MCF2L2: variants seen among roughly 807,000 people sequenced by gnomAD.
MCF2L2 encodes MCF.2 cell line derived transforming sequence-like 2.
Under a neutral mutation model 150.2 loss-of-function variants are expected in MCF2L2, and 102 were observed. The ratio of observed to expected loss-of-function variants is 0.68; its 90% CI spans 0.58 to 0.80. MCF2L2 has a LOEUF of 0.80. Among genes scored for constraint, MCF2L2 ranks in the 30% least tolerant of loss-of-function variants. The probability of loss-of-function intolerance (pLI) is 0.00; values close to 1 mark genes in which losing one functional copy is unlikely to be tolerated. For synonymous variants in MCF2L2, 465 were observed against 491.3 expected (o/e 0.95, Z 0.71); for missense variants, 1,256 against 1,372.8 (o/e 0.91, Z 1.34).
chr3:183,209,038 C>A (rs373154628), intron 22 of MCF2L2, among the ~76,000 whole-genome samples: 1 of 42,872 alleles, frequency 2.3e-5, no homozygotes, highest in Non-Finnish European at 8.0e-5. Context: ...AGCCACGAGG[C>A]CTTCTTTCCT....
At chr3:183,353,323 G>A (rs779939023) in intron 3 of MCF2L2, among the ~76,000 whole-genome samples, 15 of 152,246 alleles carry the variant, frequency 9.9e-5, no homozygotes, top group Admixed American at 4.6e-4. Flanking sequence ...CCTTAGTTCC[G>A]TGCTTTAATA....
intron 3 of MCF2L2, among the ~76,000 whole-genome samples, chr3:183,345,736 G>T (rs9868997): frequency 2.6e-5 from 4 of 151,782 alleles, no homozygotes; most frequent in African/African-American, 9.7e-5. Flanking sequence ...GATAAAGGGG[G>T]TATCACCACT....
chr3:183,234,015 T>G (rs1723687864), intron 15 of MCF2L2, among the ~76,000 whole-genome samples: 1 of 152,196 alleles, frequency 6.6e-6, no homozygotes, highest in Non-Finnish European at 1.5e-5. Flanking sequence ...AAAAAGTTAC[T>G]TAAACATCAT....
At position 183,179,197 on chromosome 3, in the gene MCF2L2, G is replaced by A. The variant is rs758539404; in HGVS notation, c.*183C>T. 2.1e-5 allele frequency: 17 copies of A among 793,032 alleles called. No individual in the cohort carries two copies. Among genetic ancestry groups the A allele is most frequent in the Non-Finnish European group, 3.0e-5 (17 of 564,318 alleles). The allele number at this position is 793,032 out of a possible 1,614,324, so 49.1% of individuals were successfully genotyped here. On this transcript the variant is annotated 3_prime_UTR_variant, in exon 30 of 30. Coordinates refer to ENST00000328913, the MANE Select transcript of MCF2L2 (RefSeq NM_015078.4). The surrounding 1 kb of genome is among the most constrained non-coding windows in gnomAD (Gnocchi z 4.2). ...GAGCAGCTCCGAGGTCCCCCGTGCG[G>A]AGCTAGGCGCGCACCCAGGACACCC...
Position 183,318,072 on chromosome 3 carries a change from A to G in MCF2L2, c.749T>C (p.Leu250Pro). 1 of 1,613,736 alleles carries G rather than the reference A, an allele frequency of 6.2e-7. No individual in the cohort carries two copies. Among genetic ancestry groups the G allele is most frequent in the Non-Finnish European group, 8.5e-7 (1 of 1,179,852 alleles). Residue 250 changes from leucine to proline, a missense_variant, in exon 7 of 30, where the codon CTG (leucine) becomes CCG (proline). Leu to Pro is a moderately conservative substitution (Grantham distance 98). Transcript: ENST00000328913. ...GAGAGGTCACTGACCGCTCACCTGC[A>G]GCTTGTCCCGCTGCCTTGTGTGGGA... The part of the protein sequence containing the change: ...LMSHTRQRDK[L>P]QDELKLLGKQ...
intron 3 of MCF2L2, among the ~76,000 whole-genome samples, chr3:183,362,320 A>AC (rs1388393229): frequency 5.3e-5 from 8 of 152,010 alleles, no homozygotes; most frequent in African/African-American, 1.9e-4. Context: ...GGCCAGGCTG[A>AC]TCTGGAACTC....
chr3:183,245,511 G>A (rs1458185521), intron 15 of MCF2L2, among the ~76,000 whole-genome samples: 3 of 152,156 alleles, frequency 2.0e-5, no homozygotes, highest in Non-Finnish European at 4.4e-5. Flanking sequence ...GATGAGTGCT[G>A]GCCAGGGGAG....
chr3:183,387,801 G>A (rs1468713664), intron 2 of MCF2L2, among the ~76,000 whole-genome samples: 4 of 151,816 alleles, frequency 2.6e-5, no homozygotes, highest in Non-Finnish European at 5.9e-5. Flanking sequence ...GCATGATGGC[G>A]GGTGCCTATA....
rs1348913494 is a variant in MCF2L2 at position 183,428,132 on chromosome 3, G to A, written c.-155C>T. 1 of 621,790 alleles carries A rather than the reference G, an allele frequency of 1.6e-6. No individual in the cohort carries two copies. Among genetic ancestry groups the A allele is most frequent in the Non-Finnish European group, 2.8e-6 (1 of 352,468 alleles). 38.5% of individuals were successfully genotyped at this position (621,790 alleles called of 1,614,324 possible). A position where few individuals can be genotyped will look rare whatever the true frequency, so the allele number is the denominator to read the frequency against. On this transcript the variant is annotated 5_prime_UTR_variant, in exon 1 of 30. Transcript: ENST00000328913. This position sits in a 1 kb window ranked among gnomAD's most constrained non-coding sequence, Gnocchi z 5.1. ...AGAAACGAGAGTCCCTCGCAGCCTA[G>A]GCCAGCTCTCCCTCGCCACGCCCCG... is the stretch of plus-strand genomic sequence containing the variant.
chr3:183,326,514 A>C (rs1215806453), intron 5 of MCF2L2, among the ~76,000 whole-genome samples: 1 of 136,248 alleles, frequency 7.3e-6, no homozygotes, highest in African/African-American at 2.9e-5. Flanking sequence ...AAAAAAAAAA[A>C]AACAAAAAAA....
At chr3:183,290,131 T>G (rs558710747) in intron 13 of MCF2L2, among the ~76,000 whole-genome samples, 1 of 152,236 alleles carries the variant, frequency 6.6e-6, no homozygotes, top group African/African-American at 2.4e-5. Flanking sequence ...TCACTTAGTA[T>G]ATTTCCTTAC....
intron 1 of MCF2L2, among the ~76,000 whole-genome samples, chr3:183,427,412 G>A (rs1200785979): frequency 6.6e-6 from 1 of 152,206 alleles, no homozygotes; most frequent in African/African-American, 2.4e-5. Context: ...CAGTAAAACA[G>A]GCCTAGCGGC....
intron 10 of MCF2L2, among the ~76,000 whole-genome samples, chr3:183,301,900 G>A (rs1372353552): frequency 6.6e-6 from 1 of 152,116 alleles, no homozygotes; most frequent in East Asian, 1.9e-4. Context: ...TAGATTTTTG[G>A]GAAGGTTTCC....
chr3:183,420,788 T>C (rs550844713), intron 1 of MCF2L2, among the ~76,000 whole-genome samples: 1 of 152,082 alleles, frequency 6.6e-6, no homozygotes, highest in Non-Finnish European at 1.5e-5. Context: ...ATCTGCCACT[T>C]TTAAAACCAT....
intron 3 of MCF2L2, among the ~76,000 whole-genome samples, chr3:183,350,700 C>G (rs61537238): frequency 5.9e-5 from 9 of 152,188 alleles, no homozygotes; most frequent in Admixed American, 5.9e-4. Flanking sequence ...GTCAGGAGAT[C>G]GAGACCATCC....
intron 14 of MCF2L2, among the ~76,000 whole-genome samples, chr3:183,282,670 T>C (rs76318192): frequency 0.019 from 2,935 of 152,316 alleles, 58 homozygotes; most frequent in East Asian, 0.051. Flanking sequence ...GCTGTTTGGT[T>C]TCATCTGATT....
chr3:183,196,927 A>G (rs1722101051), intron 25 of MCF2L2, among the ~76,000 whole-genome samples: 1 of 152,150 alleles, frequency 6.6e-6, no homozygotes, highest in African/African-American at 2.4e-5. Context: ...CGAATTGTCA[A>G]CTGAATAAGT....
At chr3:183,425,414 G>C (rs1366650522) in intron 1 of MCF2L2, among the ~76,000 whole-genome samples, 1 of 151,742 alleles carries the variant, frequency 6.6e-6, no homozygotes, top group East Asian at 1.9e-4. Context: ...CCAACCCAAA[G>C]CCTTGCTCCA....
intron 1 of MCF2L2, among the ~76,000 whole-genome samples, chr3:183,403,378 A>G (rs191435751): frequency 1.3e-5 from 2 of 152,244 alleles, no homozygotes; most frequent in African/African-American, 4.8e-5. Context: ...ACTTGTGATA[A>G]GAGAGAGTGA....
Sources: gnomAD v4.1 joint callset for allele counts (sites outside exome capture counted in the v4.1 genomes callset) on GRCh38, gnomAD v4.1.1 for gene constraint, Gnocchi (gnomAD v3.1) non-coding constraint, MANE v1.5 for transcripts, NCBI Gene and HGNC (gene_info 2026-07-23, HGNC 2026-07-21) for gene names.